The following ITGA1 variants were observed in gnomAD, a reference collection of about 807,000 sequenced individuals.
The protein encoded by ITGA1 is integrin alpha-1.
In ITGA1, 85 loss-of-function variants were observed where a neutral mutation model predicts 145.9. The ratio of observed to expected loss-of-function variants is 0.58; its 90% CI spans 0.49 to 0.70. The LOEUF (loss-of-function observed/expected upper bound fraction) is 0.70. Ranked by LOEUF, ITGA1 falls within the 30% of genes least tolerant of loss-of-function variation. ITGA1 has a pLI of 0.00. For synonymous variants in ITGA1, 520 were observed against 495.3 expected, an observed-to-expected ratio of 1.05 and a Z score of -0.66; for missense variants, 1,351 against 1,418.7, an observed-to-expected ratio of 0.95 and a Z score of 0.77.
At chr5:52,881,254 T>C (rs902386173) in intron 6 of ITGA1, among the ~76,000 whole-genome samples, 5 of 152,204 alleles carry the variant, frequency 3.3e-5, no homozygotes, top group Non-Finnish European at 7.3e-5. Flanking sequence ...TCTTCTTTCC[T>C]CACAGCCCTG....
intron 2 of ITGA1, among the ~76,000 whole-genome samples, chr5:52,856,293 A>G (rs1406135755): frequency 6.6e-6 from 1 of 152,020 alleles, no homozygotes; most frequent in East Asian, 1.9e-4. Flanking sequence ...CTGCCTTACA[A>G]TTCACAATAG....
rs1580029102 is a variant in ITGA1, at chr5:52,801,230, T to C, written c.61+12816T>C. On this transcript the variant is annotated intron_variant, in intron 1 of 28. Coordinates refer to ENST00000282588, the MANE Select transcript of ITGA1 (RefSeq NM_181501.2). ...TAAGAAGAGAAAGTCTTTACTTAGC[T>C]GGGATTTTCATGAGATAATGAAATA... The C allele has an allele frequency of 2.4e-6, 3 of 1,254,568 alleles. No individual in the cohort carries two copies. In the East Asian group the frequency reaches 7.1e-5, roughly 30 times the overall value. 77.7% of individuals were successfully genotyped at this position (1,254,568 alleles called of 1,614,324 possible). A position where few individuals can be genotyped will look rare whatever the true frequency, so the allele number is the denominator to read the frequency against.
At chr5:52,902,017 A>T (rs1427773941) in intron 11 of ITGA1, 3 of 152,174 alleles carry the variant, frequency 2.0e-5, no homozygotes, top group African/African-American at 7.2e-5. Flanking sequence ...CCAAAATAAT[A>T]TTCTAAATCT....
intron 6 of ITGA1, among the ~76,000 whole-genome samples, chr5:52,867,705 A>T (rs1749710091): frequency 6.6e-6 from 1 of 152,004 alleles, no homozygotes; most frequent in Non-Finnish European, 1.5e-5. Flanking sequence ...TTAAAGCTGG[A>T]AAGAATCTTA....
intron 1 of ITGA1, chr5:52,803,196 A>G (rs961463871): frequency 3.3e-5 from 5 of 152,144 alleles, no homozygotes; most frequent in Admixed American, 3.3e-4. Context: ...CTTCCTAACT[A>G]GTCTGAACCT....
At position 52,932,103 on chromosome 5, in the gene ITGA1, C is replaced by T. The variant is rs138669753; in HGVS notation, c.2828C>T (p.Pro943Leu). The T allele has an allele frequency of 1.6e-4, 254 of 1,609,676 alleles. 1 individual carries two copies. In the Middle Eastern group the frequency reaches 2.3e-3, roughly 15 times the overall value. ...LSDNVVNISIPVKYEVGLQFY... is the reference protein window; with the variant it reads ...LSDNVVNISILVKYEVGLQFY... ...GATAATGTAGTAAACATTTCTATCC[C>T]GGTAAAATATGAAGTTGGACTACAG... The change falls in exon 22 of 29, where the codon CCG (proline) becomes CTG (leucine). Residue 943 changes from proline to leucine, a missense_variant. Pro to Leu is a moderately conservative substitution (Grantham distance 98, BLOSUM62 -3). Coordinates refer to ENST00000282588, the MANE Select transcript of ITGA1 (RefSeq NM_181501.2).
intron 1 of ITGA1, among the ~76,000 whole-genome samples, chr5:52,791,341 A>G (rs1044490965): frequency 6.6e-5 from 10 of 152,168 alleles, no homozygotes; most frequent in African/African-American, 2.4e-4. Flanking sequence ...GACCATTCCT[A>G]GGCCTGAGGA....
intron 7 of ITGA1, among the ~76,000 whole-genome samples, chr5:52,883,614 T>A (rs116603564): frequency 1.3e-5 from 2 of 152,172 alleles, no homozygotes; most frequent in African/African-American, 4.8e-5. Flanking sequence ...TTTCAGTAAA[T>A]CCCAGTTCAA....
chr5:52,945,849 A>G (rs1327642891), intron 27 of ITGA1, among the ~76,000 whole-genome samples: 1 of 152,230 alleles, frequency 6.6e-6, no homozygotes, highest in East Asian at 1.9e-4. Flanking sequence ...CTTTTCAAGA[A>G]AAAGGAAAAT....
intron 1 of ITGA1, among the ~76,000 whole-genome samples, chr5:52,815,533 A>G (rs1022862732): frequency 1.3e-5 from 2 of 152,158 alleles, no homozygotes; most frequent in Admixed American, 1.3e-4. Context: ...AGATGTTGGG[A>G]GGAGCCTGGT....
chr5:52,944,905 G>T (rs1274719126), intron 26 of ITGA1, 38 bp from the exon 27 acceptor site: 2 of 1,359,538 alleles, frequency 1.5e-6, no homozygotes, highest in African/African-American at 1.4e-5. Flanking sequence ...ATTTTGATTA[G>T]CATCATATAT....
chr5:52,856,973 T>G (rs1749524774), intron 2 of ITGA1, among the ~76,000 whole-genome samples: 1 of 152,170 alleles, frequency 6.6e-6, no homozygotes, highest in Non-Finnish European at 1.5e-5. Flanking sequence ...CCACGTGGCC[T>G]CTTATCCTCT....
At chr5:52,804,406 C>T (rs1446059135) in intron 1 of ITGA1, among the ~76,000 whole-genome samples, 1 of 152,186 alleles carries the variant, frequency 6.6e-6, no homozygotes, top group Non-Finnish European at 1.5e-5. Flanking sequence ...CCTGGTCCCT[C>T]ATTTGTATGT....
At chr5:52,793,618 T>C (rs566915074) in intron 1 of ITGA1, among the ~76,000 whole-genome samples, 64 of 152,202 alleles carry the variant, frequency 4.2e-4, no homozygotes, top group Middle Eastern at 3.4e-3. Context: ...TTCTATTTGT[T>C]TGGACACTTA....
chr5:52,871,510 T>C (rs929515791), intron 6 of ITGA1, among the ~76,000 whole-genome samples: 1 of 152,096 alleles, frequency 6.6e-6, no homozygotes, highest in African/African-American at 2.4e-5. Context: ...TGATTCCTAT[T>C]CTCTGCAGTC....
chr5:52,820,522 T>TAAG (rs1554041626), intron 1 of ITGA1, among the ~76,000 whole-genome samples: 1 of 146,502 alleles, frequency 6.8e-6, no homozygotes, highest in Non-Finnish European at 1.5e-5. Flanking sequence ...TAAAGTATAA[T>TAAG]AAAAAAAAAA....
chr5:52,882,098 A>G lies in ITGA1; in HGVS notation c.773+77A>G, dbSNP rs369914565. 43 of 1,261,984 alleles carry G rather than the reference A, an allele frequency of 3.4e-5. 1 individual carries two copies. In the African/African-American group the frequency reaches 5.0e-4, roughly 15 times the overall value. The allele number at this position is 1,261,984 out of a possible 1,614,324, so 78.2% of individuals were successfully genotyped here. ...CATGATTTAGCCTTTTGGCATATCAATTGAAAGTTTAATATGACAATATTT... is the reference window on the plus strand; with the variant it reads ...CATGATTTAGCCTTTTGGCATATCAGTTGAAAGTTTAATATGACAATATTT... On this transcript the variant is annotated intron_variant, in intron 7 of 28. Transcript: ENST00000282588.
At chr5:52,863,497 CA>C (rs1429874037) in intron 3 of ITGA1, among the ~76,000 whole-genome samples, 1 of 151,892 alleles carries the variant, frequency 6.6e-6, no homozygotes, top group African/African-American at 2.4e-5. Flanking sequence ...GGGTGGGGGA[CA>C]AAAACAAAAC....
chr5:52,822,533 G>T (rs548210159), intron 1 of ITGA1, among the ~76,000 whole-genome samples: 11 of 152,272 alleles, frequency 7.2e-5, no homozygotes, highest in Non-Finnish European at 1.5e-4. Context: ...CTGAGTATCC[G>T]GACTGCTCTG....
Sources: gnomAD v4.1 joint callset for allele counts (sites outside exome capture counted in the v4.1 genomes callset) on GRCh38, gnomAD v4.1.1 for gene constraint, MANE v1.5 for transcripts, NCBI Gene and HGNC (gene_info 2026-07-23, HGNC 2026-07-21) for gene names.